The following ADARB1 variants were observed in gnomAD, a reference collection of about 807,000 sequenced individuals.
The protein encoded by ADARB1 is adenosine deaminase RNA specific B1.
ADARB1 carries 10 observed loss-of-function variants against 52.4 expected under a neutral mutation model. That is an observed-to-expected ratio of 0.19 (90% CI 0.12 to 0.32). The LOEUF is 0.32. Ranked by LOEUF, ADARB1 falls within the 10% of genes least tolerant of loss-of-function variation. The probability of loss-of-function intolerance (pLI) is 1.00; values close to 1 mark genes in which losing one functional copy is unlikely to be tolerated. For missense variants in ADARB1, 643 were observed against 922.3 expected, an observed-to-expected ratio of 0.70 and a Z score of 3.92; for synonymous variants, 349 against 371.1, an observed-to-expected ratio of 0.94 and a Z score of 0.68.
intron 3 of ADARB1, among the ~76,000 whole-genome samples, chr21:45,173,806 T>C (rs1020798268): frequency 6.6e-6 from 1 of 151,782 alleles, no homozygotes; most frequent in Non-Finnish European, 1.5e-5. Context: ...TAAATGAAAA[T>C]TTAGTGTCCA....
chr21:45,183,169 G>T (rs938202423), intron 6 of ADARB1, among the ~76,000 whole-genome samples, 193 bp from the exon 7 acceptor site: 1 of 152,124 alleles, frequency 6.6e-6, no homozygotes, highest in Non-Finnish European at 1.5e-5. Context: ...AAGAAGGAAA[G>T]GTTACTCACA....
At chr21:45,098,333 A>G (rs1345698611) in intron 1 of ADARB1, among the ~76,000 whole-genome samples, 1 of 151,300 alleles carries the variant, frequency 6.6e-6, no homozygotes, top group African/African-American at 2.4e-5. Context: ...CCCTTGGACC[A>G]CTCTCCCCGT....
At chr21:45,219,617 A>G (rs1014273079) in intron 9 of ADARB1, among the ~76,000 whole-genome samples, 2 of 152,110 alleles carry the variant, frequency 1.3e-5, no homozygotes, top group Non-Finnish European at 2.9e-5. Context: ...CATGCCCCTT[A>G]AGGAATTTTT....
In ADARB1 at chr21:45,200,385, G is replaced by A. The variant is rs1323637358; in HGVS notation, c.1566-4170G>A. ...CACCCCACGGTGATTATGTTGGCGC[G>A]GGAGCCGTGGGAAGGAACGAGAGTC... On this transcript the variant is annotated intron_variant, in intron 8 of 10. Coordinates refer to ENST00000348831, the MANE Select transcript of ADARB1 (RefSeq NM_001112.4). This position sits in a 1 kb window ranked among gnomAD's most constrained non-coding sequence, Gnocchi z 5.0. Among the ~76,000 whole-genome samples the A allele has an allele frequency of 2.0e-5, 3 of 152,200 alleles. No individual in the cohort carries two copies. Among genetic ancestry groups the A allele is most frequent in the African/African-American group, 4.8e-5 (2 of 41,444 alleles).
At chr21:45,188,526 T>G (rs2092182259) in intron 8 of ADARB1, among the ~76,000 whole-genome samples, 1 of 152,234 alleles carries the variant, frequency 6.6e-6, no homozygotes, top group East Asian at 1.9e-4. Flanking sequence ...ACCATCTGCA[T>G]GGAATATATT....
At chr21:45,163,325 GT>G (rs1212741331) in intron 2 of ADARB1, among the ~76,000 whole-genome samples, 1 of 152,244 alleles carries the variant, frequency 6.6e-6, no homozygotes, top group Non-Finnish European at 1.5e-5. Context: ...TTCCCTGGCT[GT>G]GATTAGTTGG....
At chr21:45,077,493 G>A (rs547698392) in intron 1 of ADARB1, among the ~76,000 whole-genome samples, 72 of 152,022 alleles carry the variant, frequency 4.7e-4, no homozygotes, top group African/African-American at 1.5e-3. Context: ...GTGAAAACCC[G>A]TCTCTACTAA....
intron 1 of ADARB1, among the ~76,000 whole-genome samples, chr21:45,114,538 C>T (rs963111600): frequency 7.2e-5 from 11 of 152,056 alleles, no homozygotes; most frequent in African/African-American, 2.7e-4. Context: ...TTTAAAGGTC[C>T]GACTATACTG....
At chr21:45,217,910 G>T (rs1157338438) in intron 9 of ADARB1, among the ~76,000 whole-genome samples, 1 of 152,112 alleles carries the variant, frequency 6.6e-6, no homozygotes, top group Non-Finnish European at 1.5e-5. Flanking sequence ...TGTTTGCGTT[G>T]TTTCCAGTAA....
intron 2 of ADARB1, among the ~76,000 whole-genome samples, chr21:45,156,713 T>C (rs1371629398): frequency 6.6e-6 from 1 of 152,116 alleles, no homozygotes; most frequent in Non-Finnish European, 1.5e-5. Context: ...ATCCAACAAG[T>C]ACTCATTACA....
At chr21:45,180,484 A>C (rs761172392) in intron 5 of ADARB1, 40 bp downstream of exon 5, 1 of 1,500,124 alleles carries the variant, frequency 6.7e-7, no homozygotes, top group Admixed American at 1.7e-5. Context: ...GCCTGTTTTC[A>C]TGTCTGACAA....
intron 2 of ADARB1, among the ~76,000 whole-genome samples, chr21:45,139,933 CT>C (rs200847132): frequency 0.08 from 6,805 of 84,586 alleles, 356 homozygotes; most frequent in Middle Eastern, 0.19. Flanking sequence ...CAATAAAACT[CT>C]TTTTTTTTTT....
In ADARB1 at chr21:45,217,934, A is replaced by G. The variant is rs114718286; in HGVS notation, c.1748-2902A>G. ...TGTTTCCAGTAAGAAATGTGTTGTT[A>G]TCTTTATTCCTCTGTGTGTTTTTTG... On this transcript the variant is annotated intron_variant, in intron 9 of 10. Coordinates refer to ENST00000348831, the MANE Select transcript of ADARB1 (RefSeq NM_001112.4). Among the ~76,000 whole-genome samples the G allele has an allele frequency of 2.4e-3, 362 of 152,186 alleles. 1 individual carries two copies. Among genetic ancestry groups the G allele is most frequent in the African/African-American group, 8.1e-3 (336 of 41,538 alleles).
chr21:45,176,716 G>C lies in ADARB1; in HGVS notation c.963+52G>C. 1 of 1,504,494 alleles carries C rather than the reference G, an allele frequency of 6.6e-7. No homozygotes were observed. 93.2% of individuals were successfully genotyped at this position (1,504,494 alleles called of 1,614,324 possible). ...ACACGGGGTCATTGCTCTTGGTAAT[G>C]CTTCTAGACAGCATTTTAGTTTCAG... On this transcript the variant is annotated intron_variant, in intron 4 of 10. Coordinates refer to ENST00000348831, the MANE Select transcript of ADARB1 (RefSeq NM_001112.4). The surrounding 1 kb of genome is among the most constrained non-coding windows in gnomAD (Gnocchi z 5.8).
intron 9 of ADARB1, among the ~76,000 whole-genome samples, chr21:45,211,096 C>G (rs1041101712): frequency 3.9e-5 from 6 of 152,152 alleles, no homozygotes; most frequent in African/African-American, 1.4e-4. Flanking sequence ...AAGGCACTTC[C>G]GAGCTGGCAG....
rs577736017 is a variant in ADARB1, at chr21:45,204,180, C to G, written c.1566-375C>G. Among the ~76,000 whole-genome samples, 1 of 152,200 alleles carries G rather than the reference C, an allele frequency of 6.6e-6. No individual in the cohort carries two copies. Among genetic ancestry groups the G allele is most frequent in the Admixed American group, 6.5e-5 (1 of 15,274 alleles). On this transcript the variant is annotated intron_variant, in intron 8 of 10. Coordinates refer to ENST00000348831, the MANE Select transcript of ADARB1 (RefSeq NM_001112.4). This position sits in a 1 kb window ranked among gnomAD's most constrained non-coding sequence, Gnocchi z 4.4. ...TCTGGAATTTTTCATTTAATATCTT[C>G]AGATCACGGTTGACAGTGAGTAACT...
At position 45,175,836 on chromosome 21, in the gene ADARB1, T is replaced by G. The variant is rs1445893552; in HGVS notation, c.135T>G (p.Gly45=). ...AGGGCTCTCAGCTCTCCAATGGGGG[T>G]GGTGGTGGCCCCGGCAGAAAGCGGC... The part of the protein sequence containing the change: ...PGEGSQLSNG[G]GGGPGRKRPL... Residue 45 remains glycine (G), a synonymous_variant, in exon 4 of 11, where the codon GGT becomes GGG. Coordinates refer to ENST00000348831, the MANE Select transcript of ADARB1 (RefSeq NM_001112.4). The G allele has an allele frequency of 4.3e-6, 7 of 1,613,926 alleles. No individual in the cohort carries two copies. The highest frequency in any genetic ancestry group is 2.2e-5 in the East Asian group (1 of 44,870).
chr21:45,098,815 A>T (rs1239470142), intron 1 of ADARB1, among the ~76,000 whole-genome samples: 1 of 151,982 alleles, frequency 6.6e-6, no homozygotes, highest in Non-Finnish European at 1.5e-5. Flanking sequence ...TCTTGTGTAT[A>T]TTTGTGTGTG....
In ADARB1 at chr21:45,184,875, A is replaced by C. The variant is rs759236513; in HGVS notation, c.1397-48A>C. 22 of 1,528,200 alleles carry C rather than the reference A, an allele frequency of 1.4e-5. 1 individual carries two copies. The Middle Eastern group carries it at 8.7e-4, about 60-fold the overall frequency. The allele number at this position is 1,528,200 out of a possible 1,614,324, so 94.7% of individuals were successfully genotyped here. A position where few individuals can be genotyped will look rare whatever the true frequency, so the allele number is the denominator to read the frequency against. ...GTTAGATGTGCTTTTCAATAAATCA[A>C]ATAGATGGTTTACTACCTGTGGGGT... On this transcript the variant is annotated intron_variant, in intron 7 of 10. Transcript: ENST00000348831.
Sources: gnomAD v4.1 joint callset for allele counts (sites outside exome capture counted in the v4.1 genomes callset) on GRCh38, gnomAD v4.1.1 for gene constraint, Gnocchi (gnomAD v3.1) non-coding constraint, MANE v1.5 for transcripts, NCBI Gene and HGNC (gene_info 2026-07-23, HGNC 2026-07-21) for gene names.